The following NREP variants were observed in gnomAD, a reference collection of about 807,000 sequenced individuals.
NREP encodes neuronal regeneration-related protein.
In NREP, 5 loss-of-function variants were observed where a neutral mutation model predicts 8.6. The ratio of observed to expected loss-of-function variants is 0.58; its 90% CI spans 0.30 to 1.22. The LOEUF (loss-of-function observed/expected upper bound fraction) is 1.22. Ranked by LOEUF, NREP falls within the 50% of genes most tolerant of loss-of-function variation. NREP has a pLI of 0.07. For synonymous variants in NREP, 27 were observed against 28.0 expected (o/e 0.96, Z 0.11); for missense variants, 86 against 82.5 (o/e 1.04, Z -0.17).
chr5:111,736,221 A>G (rs370433820), intron 2 of NREP, among the ~76,000 whole-genome samples: 8 of 152,218 alleles, frequency 5.3e-5, no homozygotes, highest in African/African-American at 1.9e-4. Context: ...AAAGGCCTTA[A>G]AATTACAACT....
chr5:111,852,187 A>G (rs1335599188), intron 2 of NREP, among the ~76,000 whole-genome samples: 1 of 152,218 alleles, frequency 6.6e-6, no homozygotes, highest in Non-Finnish European at 1.5e-5. Context: ...GCTGTTAACA[A>G]TAAGACTTTT....
intron 2 of NREP, among the ~76,000 whole-genome samples, chr5:111,925,137 T>A (rs1278297244): frequency 6.6e-6 from 1 of 152,114 alleles, no homozygotes; most frequent in Non-Finnish European, 1.5e-5. Context: ...TCTACCCTCC[T>A]TCCTTCAATT....
intron 2 of NREP, among the ~76,000 whole-genome samples, chr5:111,775,115 T>C (rs1581108010): frequency 6.6e-6 from 1 of 152,290 alleles, no homozygotes; most frequent in Middle Eastern, 3.4e-3. Flanking sequence ...GGCTTCTAAC[T>C]CCTGGGCTCA....
intron 2 of NREP, among the ~76,000 whole-genome samples, chr5:111,942,057 G>T (rs1053564551): frequency 6.6e-6 from 1 of 151,960 alleles, no homozygotes; most frequent in Admixed American, 6.6e-5. Flanking sequence ...AAGAGTACTT[G>T]TCTCAAAGAT....
intron 2 of NREP, among the ~76,000 whole-genome samples, chr5:111,965,732 A>G (rs1215477824): frequency 1.3e-5 from 2 of 152,208 alleles, no homozygotes; most frequent in African/African-American, 4.8e-5. Context: ...ATTAAAAATA[A>G]CAGTTTGCTA....
chr5:111,821,077 A>G (rs990871160), intron 2 of NREP, among the ~76,000 whole-genome samples: 2 of 152,188 alleles, frequency 1.3e-5, no homozygotes, highest in Admixed American at 1.3e-4. Flanking sequence ...GCATTCTGAT[A>G]TATAATTAGG....
In NREP at chr5:111,729,595, G is replaced by C. The variant is rs1432814569; in HGVS notation, c.*1326C>G. 1 of 152,646 alleles carries C rather than the reference G, an allele frequency of 6.6e-6. No homozygotes were observed. The highest frequency in any genetic ancestry group is 2.4e-5 in the African/African-American group (1 of 41,456). The allele number at this position is 152,646 out of a possible 1,614,324, so 9.5% of individuals were successfully genotyped here. On this transcript the variant is annotated 3_prime_UTR_variant, in exon 4 of 4. Transcript: ENST00000257435. ...GAAGAAGTGCAGTGCATGCGTCATC[G>C]GTGTTTAACAGTCAGAAGCGAAACA...
intron 2 of NREP, among the ~76,000 whole-genome samples, chr5:111,776,332 T>C (rs1311567464): frequency 4.6e-5 from 7 of 152,200 alleles, no homozygotes; most frequent in African/African-American, 2.4e-5. Context: ...AAATACATGA[T>C]GGGAATACTA....
At chr5:111,794,292 A>G (rs187818598) in intron 2 of NREP, among the ~76,000 whole-genome samples, 97 of 152,342 alleles carry the variant, frequency 6.4e-4, no homozygotes, top group Admixed American at 1.1e-3. Context: ...TACTTTTGCT[A>G]TACAGTCCAG....
intron 2 of NREP, among the ~76,000 whole-genome samples, chr5:111,933,997 A>G (rs1477224125): frequency 1.3e-5 from 2 of 152,130 alleles, no homozygotes; most frequent in African/African-American, 4.8e-5. Flanking sequence ...GAAGAAGTAC[A>G]GCCTCCTTCC....
At chr5:111,790,095 A>G (rs1751705414) in intron 2 of NREP, among the ~76,000 whole-genome samples, 1 of 152,196 alleles carries the variant, frequency 6.6e-6, no homozygotes, top group African/African-American at 2.4e-5. Context: ...TGTTGATAGA[A>G]AAAGGAGCAA....
chr5:111,800,519 A>G (rs1249491711), intron 2 of NREP, among the ~76,000 whole-genome samples: 1 of 152,226 alleles, frequency 6.6e-6, no homozygotes, highest in Non-Finnish European at 1.5e-5. Context: ...CTGTGGAATG[A>G]TAGCGCATGT....
intron 2 of NREP, among the ~76,000 whole-genome samples, chr5:111,814,580 G>A (rs564234082): frequency 1.1e-4 from 17 of 152,166 alleles, no homozygotes; most frequent in African/African-American, 3.1e-4. Context: ...TAATTGATTC[G>A]TCCAATGAGC....
intron 2 of NREP, among the ~76,000 whole-genome samples, chr5:111,743,871 C>G (rs1386248270): frequency 6.6e-6 from 1 of 152,108 alleles, no homozygotes; most frequent in Non-Finnish European, 1.5e-5. Flanking sequence ...TTCTTTCCTT[C>G]TGTCCAAAAA....
chr5:111,801,674 A>T (rs1033630435), intron 2 of NREP, among the ~76,000 whole-genome samples: 1 of 152,240 alleles, frequency 6.6e-6, no homozygotes, highest in African/African-American at 2.4e-5. Context: ...AGTAGCAATT[A>T]TGTAATTTCA....
intron 2 of NREP, among the ~76,000 whole-genome samples, chr5:111,787,310 G>C (rs1383300002): frequency 6.6e-6 from 1 of 152,148 alleles, no homozygotes; most frequent in East Asian, 1.9e-4. Flanking sequence ...GAGAAATATT[G>C]TTTAAAATTA....
At chr5:111,757,564 G>T (rs1581093319), upstream of NREP, 11 of 984,538 alleles carry the variant, frequency 1.1e-5, no homozygotes, top group Non-Finnish European at 1.3e-5. Flanking sequence ...CTGCTTACTC[G>T]GCAGGAATCG....
At chr5:111,835,729 G>C (rs1319530121) in intron 2 of NREP, among the ~76,000 whole-genome samples, 2 of 152,096 alleles carry the variant, frequency 1.3e-5, no homozygotes, top group African/African-American at 4.8e-5. Flanking sequence ...GTGGGTTTAA[G>C]ACTTCAGGCT....
At chr5:111,852,020 G>C (rs1204113453) in intron 2 of NREP, among the ~76,000 whole-genome samples, 2 of 152,180 alleles carry the variant, frequency 1.3e-5, no homozygotes, top group East Asian at 3.9e-4. Context: ...GTAGTAGTAA[G>C]AGGCGGTGCC....
Sources: allele counts gnomAD v4.1 joint callset (sites outside exome capture counted in the v4.1 genomes callset), GRCh38; gene constraint gnomAD v4.1.1; transcripts MANE v1.5; gene names NCBI Gene and HGNC (gene_info 2026-07-23, HGNC 2026-07-21).